RBFOX1: variants seen among roughly 807,000 people sequenced by gnomAD.
RBFOX1 encodes RNA binding protein fox-1 homolog 1.
RBFOX1 carries 8 observed loss-of-function variants against 57.7 expected under a neutral mutation model. The ratio of observed to expected loss-of-function variants is 0.14; its 90% confidence interval spans 0.08 to 0.25. The LOEUF (loss-of-function observed/expected upper bound fraction) is 0.25, where lower values mean the gene tolerates loss of function less well. Among genes scored for constraint, RBFOX1 ranks in the 10% least tolerant of loss-of-function variants. RBFOX1 has a pLI of 1.00. For missense variants in RBFOX1, 611 were observed against 548.5 expected (o/e 1.11, Z -1.14); for synonymous variants, 326 against 222.4 (o/e 1.47, Z -4.15).
chr16:6,694,717 G>T (rs1014557450), intron 3 of RBFOX1, among the ~76,000 whole-genome samples: 3 of 152,122 alleles, frequency 2.0e-5, no homozygotes, highest in African/African-American at 7.2e-5. Context: ...TATCCTCCCA[G>T]CAACTCCATT....
rs144071816 is a variant in RBFOX1, at chr16:5,552,285, G to C, written c.259-46617G>C. Among the ~76,000 whole-genome samples the C allele has an allele frequency of 3.4e-3, 514 of 152,242 alleles. 7 individuals carry two copies. Among genetic ancestry groups the C allele is most frequent in the African/African-American group, 0.012 (492 of 41,540 alleles). Reference sequence around the variant, plus strand: ...TTATCCATCCCTCCTTAAGCATTCCGTCATATGTTGCCTCCTATGAGGCTA... The same window carrying C: ...TTATCCATCCCTCCTTAAGCATTCCCTCATATGTTGCCTCCTATGAGGCTA... On this transcript the variant is annotated intron_variant, in intron 2 of 2. Transcript: ENST00000585867.
intron 4 of RBFOX1, among the ~76,000 whole-genome samples, chr16:7,242,583 A>G (rs535428301): frequency 2.0e-5 from 3 of 152,336 alleles, no homozygotes; most frequent in Non-Finnish European, 2.9e-5. Context: ...TCTCTTCGCC[A>G]TTGGCTGAGA....
At chr16:6,916,112 A>G (rs1436076724) in intron 3 of RBFOX1, among the ~76,000 whole-genome samples, 3 of 152,270 alleles carry the variant, frequency 2.0e-5, no homozygotes, top group East Asian at 3.9e-4. Context: ...AGCGCTGTGT[A>G]CAAGACAACT....
intron 3 of RBFOX1, among the ~76,000 whole-genome samples, chr16:6,920,249 C>T (rs1473882054): frequency 1.3e-5 from 1 of 77,154 alleles, no homozygotes; most frequent in Non-Finnish European, 3.0e-5. Context: ...TGGGTATGCA[C>T]ATGTGTTTTT....
intron 2 of RBFOX1, among the ~76,000 whole-genome samples, chr16:5,492,147 T>A (rs144125158): frequency 0.013 from 1,912 of 152,244 alleles, 19 homozygotes; most frequent in Non-Finnish European, 0.02. Flanking sequence ...CAGCAAGCCC[T>A]CCAGGACATG....
chr16:7,083,775 T>C (rs1212967879), intron 4 of RBFOX1, among the ~76,000 whole-genome samples: 1 of 152,162 alleles, frequency 6.6e-6, no homozygotes, highest in African/African-American at 2.4e-5. Context: ...GCACCGTGCA[T>C]GGGTCAGTTG....
chr16:6,129,749 A>AG (rs1011336153), intron 1 of RBFOX1, among the ~76,000 whole-genome samples: 2 of 151,244 alleles, frequency 1.3e-5, no homozygotes, highest in Non-Finnish European at 3.0e-5. Flanking sequence ...ATATTGACGA[A>AG]AAAAAAAAAC....
At chr16:5,491,235 A>G (rs529979021) in intron 2 of RBFOX1, among the ~76,000 whole-genome samples, 2 of 152,322 alleles carry the variant, frequency 1.3e-5, no homozygotes, top group African/African-American at 2.4e-5. Context: ...GAACACATCT[A>G]GGACGCCAGC....
intron 2 of RBFOX1, among the ~76,000 whole-genome samples, chr16:6,516,599 A>G (rs2096383023): frequency 6.6e-6 from 1 of 152,196 alleles, no homozygotes; most frequent in Non-Finnish European, 1.5e-5. Flanking sequence ...AAAACCCAAC[A>G]CTTTCATGGA....
chr16:6,376,014 C>G (rs1285727205), intron 2 of RBFOX1, among the ~76,000 whole-genome samples: 1 of 152,166 alleles, frequency 6.6e-6, no homozygotes, highest in Non-Finnish European at 1.5e-5. Flanking sequence ...ACTCAGTCAT[C>G]CTGTTTGAGC....
chr16:6,936,313 C>T (rs528222607), intron 3 of RBFOX1, among the ~76,000 whole-genome samples: 4 of 152,246 alleles, frequency 2.6e-5, no homozygotes, highest in African/African-American at 7.2e-5. Flanking sequence ...GTTGGAAATG[C>T]AAGATATTTG....
rs567766951 is a variant in RBFOX1 at position 5,613,769 on chromosome 16, A to T, written c.318+14808A>T. On this transcript the variant is annotated intron_variant, in intron 3 of 19. Transcript: ENST00000641259. ...ACATCTCCAAGTTCAAGGTTCTGTCATCCTTGTTTAACTCCCCAAATCAAG... is the reference window on the plus strand; with the variant it reads ...ACATCTCCAAGTTCAAGGTTCTGTCTTCCTTGTTTAACTCCCCAAATCAAG... Among the ~76,000 whole-genome samples, 19 of 151,618 alleles carry T rather than the reference A, an allele frequency of 1.3e-4. No individual in the cohort carries two copies. In the South Asian group the frequency reaches 4.0e-3, roughly 32 times the overall value.
At chr16:6,034,647 G>A (rs905205787) in intron 1 of RBFOX1, among the ~76,000 whole-genome samples, 2 of 152,142 alleles carry the variant, frequency 1.3e-5, no homozygotes, top group African/African-American at 4.8e-5. Flanking sequence ...AAGTTTGAAC[G>A]TGAATTTTGG....
intron 3 of RBFOX1, among the ~76,000 whole-genome samples, chr16:6,920,147 G>T (rs964488220): frequency 3.3e-5 from 5 of 152,130 alleles, no homozygotes; most frequent in East Asian, 1.9e-4. Flanking sequence ...ATATTCTATG[G>T]TGTAGGTGTA....
intron 4 of RBFOX1, among the ~76,000 whole-genome samples, chr16:6,006,224 A>C (rs1443184663): frequency 1.3e-5 from 2 of 152,200 alleles, no homozygotes; most frequent in African/African-American, 4.8e-5. Flanking sequence ...CAGATAGTTC[A>C]GGTGGGGTTG....
chr16:5,716,543 A>C (rs2051706894), intron 3 of RBFOX1, among the ~76,000 whole-genome samples: 1 of 152,258 alleles, frequency 6.6e-6, no homozygotes, highest in African/African-American at 2.4e-5. Flanking sequence ...TATTATTAAT[A>C]AGTCAAACAA....
At chr16:6,049,995 G>C (rs531209161) in intron 1 of RBFOX1, among the ~76,000 whole-genome samples, 2 of 142,654 alleles carry the variant, frequency 1.4e-5, no homozygotes, top group Non-Finnish European at 3.0e-5. Context: ...TTGCTCTGTC[G>C]TTCAGGCTGG....
intron 2 of RBFOX1, among the ~76,000 whole-genome samples, chr16:6,495,341 ACTC>A (rs1039266276): frequency 6.6e-6 from 1 of 151,900 alleles, no homozygotes; most frequent in African/African-American, 2.4e-5. Flanking sequence ...CTGGTCTCGA[ACTC>A]CTGACCTCAG....
At chr16:6,332,045 G>A (rs950877756) in intron 2 of RBFOX1, among the ~76,000 whole-genome samples, 1 of 152,208 alleles carries the variant, frequency 6.6e-6, no homozygotes, top group Non-Finnish European at 1.5e-5. Context: ...TCAGCGGTTT[G>A]TGTAACACCA....
Sources: gnomAD v4.1 joint callset for allele counts (sites outside exome capture counted in the v4.1 genomes callset) on GRCh38, gnomAD v4.1.1 for gene constraint, MANE v1.5 for transcripts, NCBI Gene and HGNC (gene_info 2026-07-23, HGNC 2026-07-21) for gene names.